The following ARHGAP29 variants were observed in gnomAD, a reference collection of about 807,000 sequenced individuals.
ARHGAP29 encodes the protein Rho GTPase activating protein 29, also known as rho GTPase-activating protein 29.
Under a neutral mutation model 122.6 loss-of-function variants are expected in ARHGAP29, and 43 were observed. The observed-to-expected ratio is 0.35, with a 90% CI of 0.27 to 0.45. ARHGAP29 has a LOEUF of 0.45. Among genes scored for constraint, ARHGAP29 ranks in the 20% least tolerant of loss-of-function variants. The pLI, the probability that ARHGAP29 is intolerant of heterozygous loss-of-function variation, is 1.00. For missense variants in ARHGAP29, 1,303 were observed against 1,477.2 expected (o/e 0.88, Z 1.93); for synonymous variants, 506 against 497.1 (o/e 1.02, Z -0.24).
chr1:94,218,504 G>T (rs751728208), intron 3 of ARHGAP29, among the ~76,000 whole-genome samples: 46 of 152,154 alleles, frequency 3.0e-4, no homozygotes, highest in Non-Finnish European at 5.0e-4. Context: ...TCCTTCCCCA[G>T]GACATCCTGA....
intron 2 of ARHGAP29, among the ~76,000 whole-genome samples, chr1:94,224,782 G>A (rs1364053202): frequency 6.6e-6 from 1 of 152,056 alleles, no homozygotes; most frequent in East Asian, 1.9e-4. Context: ...CCAATAACTG[G>A]TGGCAGCACA....
intron 12 of ARHGAP29, among the ~76,000 whole-genome samples, chr1:94,201,185 G>A (rs1415295337): frequency 6.6e-6 from 1 of 152,144 alleles, no homozygotes; most frequent in East Asian, 1.9e-4. Context: ...TCAAATCAAT[G>A]ATGTCGGCAA....
At chr1:94,311,970 T>A in the ARHGAP29 span, among the ~76,000 whole-genome samples, 1,017 of 152,320 alleles carry the variant, frequency 6.7e-3, 8 homozygotes, top group African/African-American at 0.024. Flanking sequence ...CTCTTCTGCA[T>A]CAGTTTCTCT....
chr1:94,200,333 C>T (rs541364147), intron 12 of ARHGAP29, among the ~76,000 whole-genome samples: 1 of 152,242 alleles, frequency 6.6e-6, no homozygotes, highest in African/African-American at 2.4e-5. Context: ...TTTAGAAACA[C>T]AAATTAAAAC....
intron 1 of ARHGAP29, among the ~76,000 whole-genome samples, chr1:94,261,625 A>G (rs1654559039): frequency 6.6e-6 from 1 of 152,176 alleles, no homozygotes; most frequent in Non-Finnish European, 1.5e-5. Context: ...CAAGCTGAGA[A>G]CCAAATCAGG....
Position 94,177,840 on chromosome 1 carries a change from G to C in ARHGAP29, c.2796+12C>G. 1 of 1,598,824 alleles carries C rather than the reference G, an allele frequency of 6.3e-7. No individual in the cohort carries two copies. The highest frequency in any genetic ancestry group is 8.5e-7 in the Non-Finnish European group (1 of 1,174,038). ...CAAAGTTCTAATATAATTCTATAAAGGTCAAACTCACTTCCTTTGAAGAAA... is the reference window on the plus strand; with the variant it reads ...CAAAGTTCTAATATAATTCTATAAACGTCAAACTCACTTCCTTTGAAGAAA... On this transcript the variant is annotated intron_variant, in intron 21 of 22. Coordinates refer to ENST00000260526, the MANE Select transcript of ARHGAP29 (RefSeq NM_004815.4).
In ARHGAP29 at chr1:94,173,699, A is replaced by G; in HGVS notation, c.*170T>C. 1.4e-6 allele frequency: 1 copy of G among 724,078 alleles called. No individual in the cohort carries two copies. The highest frequency in any genetic ancestry group is 2.2e-6 in the Non-Finnish European group (1 of 458,194). 44.9% of individuals were successfully genotyped at this position (724,078 alleles called of 1,614,324 possible). Reference sequence around the variant, plus strand: ...GGCACAAATGTGACCCTATCAAAACATTCTACCATTCAGTATTACCAACAG... The same window carrying G: ...GGCACAAATGTGACCCTATCAAAACGTTCTACCATTCAGTATTACCAACAG... On this transcript the variant is annotated 3_prime_UTR_variant, in exon 23 of 23. Transcript: ENST00000260526.
chr1:94,209,339 T>C lies in ARHGAP29; in HGVS notation c.352A>G (p.Thr118Ala). 1 of 1,605,422 alleles carries C rather than the reference T, an allele frequency of 6.2e-7. No homozygotes were observed. Among genetic ancestry groups the C allele is most frequent in the Non-Finnish European group, 8.5e-7 (1 of 1,176,936 alleles). Reference protein sequence around the residue: ...LTAKVKAVNFTEVNEENKNDL... With the variant: ...LTAKVKAVNFAEVNEENKNDL... Reference sequence around the variant, plus strand: ...TTTTTGTTTTCTTCATTAACTTCTGTGAAGTTCACAGCTGTAAGGAAAAGT... The same window carrying C: ...TTTTTGTTTTCTTCATTAACTTCTGCGAAGTTCACAGCTGTAAGGAAAAGT... The change falls in exon 4 of 23, where the codon ACA becomes GCA. Residue 118 changes from threonine to alanine, a missense_variant. Physicochemically the swap from Thr to Ala is moderately conservative, Grantham distance 58. Transcript: ENST00000260526.
chr1:94,248,451 A>AAT (rs1653923361), intron 1 of ARHGAP29, among the ~76,000 whole-genome samples: 1 of 152,186 alleles, frequency 6.6e-6, no homozygotes. Context: ...ATTTATATAT[A>AAT]ATATATATTA....
chr1:94,292,817 T>G, the ARHGAP29 span, among the ~76,000 whole-genome samples: 1 of 152,182 alleles, frequency 6.6e-6, no homozygotes, highest in Non-Finnish European at 1.5e-5. Context: ...CTGCCTGATC[T>G]TTCCTCTAGA....
intron 12 of ARHGAP29, among the ~76,000 whole-genome samples, chr1:94,198,487 C>T (rs562664589): frequency 6.6e-6 from 1 of 151,992 alleles, no homozygotes; most frequent in Non-Finnish European, 1.5e-5. Flanking sequence ...CAAAAACAAA[C>T]AAAAAACCCC....
chr1:94,226,693 C>A (rs1044888868), intron 2 of ARHGAP29, among the ~76,000 whole-genome samples: 2 of 151,408 alleles, frequency 1.3e-5, no homozygotes, highest in African/African-American at 4.8e-5. Flanking sequence ...TCTAATACAC[C>A]GAGAACTGGT....
chr1:94,296,657 C>A, the ARHGAP29 span, among the ~76,000 whole-genome samples: 1 of 152,068 alleles, frequency 6.6e-6, no homozygotes, highest in Non-Finnish European at 1.5e-5. Flanking sequence ...AAGTAGAGGG[C>A]AAAGAAGTCT....
chr1:94,184,083 A>G, intron 19 of ARHGAP29, 68 bp downstream of exon 19: 1 of 1,528,338 alleles, frequency 6.5e-7, no homozygotes, highest in Non-Finnish European at 8.9e-7. Context: ...AAATGTTATC[A>G]GCAAAATACA....
At position 94,173,303 on chromosome 1, in the gene ARHGAP29, T is replaced by C. The variant is rs574490398; in HGVS notation, c.*566A>G. On this transcript the variant is annotated 3_prime_UTR_variant, in exon 23 of 23. Coordinates refer to ENST00000260526, the MANE Select transcript of ARHGAP29 (RefSeq NM_004815.4). ...AGATTTGCAAGCCTTCTGGCCATTA[T>C]GTAAACATTTAAAAATTAACTGAAT... 4 of 152,816 alleles carry C rather than the reference T, an allele frequency of 2.6e-5. No homozygotes were observed. The highest frequency in any genetic ancestry group is 7.2e-5 in the African/African-American group (3 of 41,592). 9.5% of individuals were successfully genotyped at this position (152,816 alleles called of 1,614,324 possible). A position where few individuals can be genotyped will look rare whatever the true frequency, so the allele number is the denominator to read the frequency against.
chr1:94,240,083 G>A (rs774649168), upstream of ARHGAP29, among the ~76,000 whole-genome samples: 16 of 152,128 alleles, frequency 1.1e-4, 1 homozygote, highest in Non-Finnish European at 1.9e-4. Context: ...AGCAAAGTCT[G>A]TCCCTCATAG....
intron 1 of ARHGAP29, among the ~76,000 whole-genome samples, chr1:94,244,213 A>C (rs1310915353): frequency 6.8e-6 from 1 of 147,534 alleles, no homozygotes; most frequent in African/African-American, 2.4e-5. Flanking sequence ...CCAAAAAAAA[A>C]AACCACACAC....
At chr1:94,281,725 C>G in the ARHGAP29 span, among the ~76,000 whole-genome samples, 1 of 152,134 alleles carries the variant, frequency 6.6e-6, no homozygotes, top group Admixed American at 6.6e-5. Flanking sequence ...AGACCAGTTA[C>G]ATGAAGTTGG....
intron 1 of ARHGAP29, among the ~76,000 whole-genome samples, chr1:94,244,700 G>A (rs910594145): frequency 6.6e-6 from 1 of 151,960 alleles, no homozygotes; most frequent in Admixed American, 6.6e-5. Flanking sequence ...AATGAATATA[G>A]CAAGGTCACA....
Sources: gnomAD v4.1 joint callset for allele counts (sites outside exome capture counted in the v4.1 genomes callset) on GRCh38, gnomAD v4.1.1 for gene constraint, MANE v1.5 for transcripts, NCBI Gene and HGNC (gene_info 2026-07-23, HGNC 2026-07-21) for gene names.